The following CNBD2 variants were observed in gnomAD, a reference collection of about 807,000 sequenced individuals.
CNBD2 encodes cyclic nucleotide-binding domain-containing protein 2.
CNBD2 carries 64 observed loss-of-function variants against 63.7 expected under a neutral mutation model. The observed-to-expected ratio is 1.00, with a 90% CI of 0.82 to 1.24. The LOEUF is 1.24. CNBD2 is among the 50% of genes most tolerant of loss of function. The pLI is 0.00. For missense variants in CNBD2, 691 were observed against 713.5 expected (o/e 0.97, Z 0.36); for synonymous variants, 229 against 255.4 (o/e 0.90, Z 0.99).
rs2794385 is a variant in CNBD2 at position 36,030,700 on chromosome 20, G to T, written c.*52G>T. On this transcript the variant is annotated 3_prime_UTR_variant, in exon 12 of 12. Coordinates refer to ENST00000373973, the MANE Select transcript of CNBD2 (RefSeq NM_001365709.1). The stretch of plus-strand genomic sequence containing the variant: ...GGACAAATAAAGGATGGTGGATTGG[G>T]CGCTGTGCTTTCTGAATGACCACCA... The T allele has an allele frequency of 1.9e-6, 3 of 1,585,040 alleles. No individual in the cohort carries two copies. The highest frequency in any genetic ancestry group is 2.7e-5 in the African/African-American group (2 of 74,112).
In CNBD2 at chr20:36,009,096, C is replaced by T. The variant is rs537159993; in HGVS notation, c.1148+622C>T. On this transcript the variant is annotated intron_variant, in intron 9 of 11. Transcript: ENST00000373973. Reference sequence around the variant, plus strand: ...CCTGTAATCCTAGCTACTCAGGAGGCTGACACAGGAGGGTCGCTTGAGCCT... The same window carrying T: ...CCTGTAATCCTAGCTACTCAGGAGGTTGACACAGGAGGGTCGCTTGAGCCT... Among the ~76,000 whole-genome samples, 5 of 152,286 alleles carry T rather than the reference C, an allele frequency of 3.3e-5. No individual in the cohort carries two copies. The East Asian group carries it at 9.7e-4, about 29-fold the overall frequency.
rs775288744 is a variant in CNBD2, at chr20:36,023,630, G to A, written c.1298G>A (p.Gly433Asp). 4.3e-6 allele frequency: 7 copies of A among 1,609,388 alleles called. No individual in the cohort carries two copies. The South Asian group carries it at 6.6e-5, about 15-fold the overall frequency. The stretch of plus-strand genomic sequence containing the variant: ...CTTCACCAGGCCTTCCTTCCAGAGG[G>A]TGAATGCGACACACGACCCTTGATC... ...LGLHQAFLPE[G>D]ECDTRPLILM... Residue 433 changes from glycine (G) to aspartate (D), a missense_variant, in exon 11 of 12, where the codon GGT (glycine) becomes GAT (aspartate). Physicochemically the swap from Gly to Asp is moderately conservative, Grantham distance 94 (BLOSUM62 -1). Transcript: ENST00000373973.
At chr20:36,023,863 G>A in intron 11 of CNBD2, 92 bp downstream of exon 11, 2 of 1,134,444 alleles carry the variant, frequency 1.8e-6, no homozygotes, top group East Asian at 2.6e-5. Context: ...TATAATACCT[G>A]TTGCTGACAA....
At chr20:36,001,547 C>G (rs1470769443) in intron 8 of CNBD2, among the ~76,000 whole-genome samples, 2 of 150,900 alleles carry the variant, frequency 1.3e-5, no homozygotes, top group Non-Finnish European at 3.0e-5. Flanking sequence ...GGAGACGCTC[C>G]TCACTTCCCA....
chr20:36,000,688 A>C (rs1456620142), intron 8 of CNBD2, among the ~76,000 whole-genome samples: 1 of 149,746 alleles, frequency 6.7e-6, no homozygotes, highest in Non-Finnish European at 1.5e-5. Flanking sequence ...CCTCACGAGT[A>C]GCTGGGATTA....
chr20:35,998,874 CA>C (rs74173968), intron 8 of CNBD2, among the ~76,000 whole-genome samples: 7,126 of 47,286 alleles, frequency 0.15, 90 homozygotes, highest in African/African-American at 0.2. Context: ...CTGTGTCTCT[CA>C]AAAAAAAAAA....
upstream of CNBD2, among the ~76,000 whole-genome samples, chr20:35,965,588 C>T (rs940353866): frequency 2.6e-5 from 4 of 152,142 alleles, no homozygotes; most frequent in African/African-American, 9.7e-5. Flanking sequence ...AGGAATAGGA[C>T]CAGTGCTCTT....
At position 36,030,613 on chromosome 20, in the gene CNBD2, G is replaced by A. The variant is rs111829920; in HGVS notation, c.1696G>A (p.Ala566Thr). Reference protein sequence around the residue: ...PPLRIVQAIKAPRYKIRELLA With the variant: ...PPLRIVQAIKTPRYKIRELLA ...ATTGAGGATTGTCCAAGCCATCAAAGCACCTCGGTACAAAATCCGAGAACT... is the reference window on the plus strand; with the variant it reads ...ATTGAGGATTGTCCAAGCCATCAAAACACCTCGGTACAAAATCCGAGAACT... The change falls in exon 12 of 12, where the codon GCA becomes ACA. Residue 566 changes from alanine to threonine, a missense_variant. Ala to Thr is a moderately conservative substitution (Grantham distance 58). Coordinates refer to ENST00000373973, the MANE Select transcript of CNBD2 (RefSeq NM_001365709.1). 1.7e-5 allele frequency: 28 copies of A among 1,614,158 alleles called. No homozygotes were observed. The highest frequency in any genetic ancestry group is 1.6e-4 in the African/African-American group (12 of 75,024).
At chr20:35,965,760 T>A (rs1164536952), upstream of CNBD2, among the ~76,000 whole-genome samples, 1 of 152,194 alleles carries the variant, frequency 6.6e-6, no homozygotes, top group Non-Finnish European at 1.5e-5. Context: ...TAAATTGAGA[T>A]CCAATCCAGT....
chr20:36,011,294 G>A lies in CNBD2; in HGVS notation c.1269+37G>A, dbSNP rs201517207. On this transcript the variant is annotated intron_variant, in intron 10 of 11. Transcript: ENST00000373973. ...AAGAGCTCTGTTCACCATGGAGTAC[G>A]TAACATGAATGGGCTGGAATGTTAA... The A allele has an allele frequency of 4.6e-5, 68 of 1,468,094 alleles. No individual in the cohort carries two copies. The Admixed American group carries it at 6.1e-4, about 13-fold the overall frequency. The allele number at this position is 1,468,094 out of a possible 1,614,324, so 90.9% of individuals were successfully genotyped here.
chr20:35,968,615 G>A lies in CNBD2; in HGVS notation c.-148G>A. On this transcript the variant is annotated 5_prime_UTR_variant, in exon 1 of 12. Coordinates refer to ENST00000373973, the MANE Select transcript of CNBD2 (RefSeq NM_001365709.1). ...AGAGCAGGGCTTCCAGTAGCTGATG[G>A]TATGGTAGGAGGAGTGGAGTGGAGC... 1.7e-6 allele frequency: 1 copy of A among 577,522 alleles called. No homozygotes were observed. The highest frequency in any genetic ancestry group is 3.1e-6 in the Non-Finnish European group (1 of 318,566). 35.8% of individuals were successfully genotyped at this position (577,522 alleles called of 1,614,324 possible).
chr20:36,014,633 T>C (rs1601093479), intron 10 of CNBD2, among the ~76,000 whole-genome samples: 1 of 150,464 alleles, frequency 6.6e-6, no homozygotes, highest in African/African-American at 2.4e-5. Context: ...CTGGCCTCTT[T>C]TATTTTTTTT....
intron 8 of CNBD2, among the ~76,000 whole-genome samples, chr20:36,007,170 C>G (rs915319059): frequency 2.0e-5 from 3 of 150,622 alleles, no homozygotes; most frequent in Non-Finnish European, 2.9e-5. Flanking sequence ...GCCTGGGCGA[C>G]AGAGTGAGAA....
Position 36,000,935 on chromosome 20 carries a change from G to T in CNBD2, c.970+5783G>T, listed in dbSNP as rs1275101175. 2.0e-5 allele frequency among the ~76,000 whole-genome samples: 3 copies of T among 150,786 alleles called. No homozygotes were observed. In the South Asian group the frequency reaches 6.3e-4, roughly 32 times the overall value. ...GTGTCCCTGGGTATTTGAGATTAGG[G>T]AGTGGTGATGACTCTTAACGAGCAT... On this transcript the variant is annotated intron_variant, in intron 8 of 11. Transcript: ENST00000373973.
intron 9 of CNBD2, among the ~76,000 whole-genome samples, chr20:36,010,459 AAAAG>A (rs2057043567): frequency 6.6e-6 from 1 of 151,220 alleles, no homozygotes; most frequent in Non-Finnish European, 1.5e-5. Flanking sequence ...AAAAAAAAAA[AAAAG>A]AAAAGAAAAG....
intron 11 of CNBD2, among the ~76,000 whole-genome samples, chr20:36,026,796 T>C (rs2057287622): frequency 6.6e-6 from 1 of 152,366 alleles, no homozygotes; most frequent in South Asian, 2.1e-4. Flanking sequence ...ACCCCCTTTC[T>C]GCACACTCAT....
At chr20:35,967,232 C>T (rs1409528703), upstream of CNBD2, among the ~76,000 whole-genome samples, 2 of 150,524 alleles carry the variant, frequency 1.3e-5, no homozygotes, top group Admixed American at 6.6e-5. Context: ...GCCAATTCCC[C>T]CTCCCGCTTT....
intron 7 of CNBD2, among the ~76,000 whole-genome samples, chr20:35,989,561 C>T (rs1186535914): frequency 1.3e-5 from 2 of 152,234 alleles, no homozygotes; most frequent in South Asian, 2.1e-4. Flanking sequence ...ACATATTGAA[C>T]CATTAGGCAA....
At chr20:35,963,628 G>C (rs1007780958), upstream of CNBD2, among the ~76,000 whole-genome samples, 2 of 151,988 alleles carry the variant, frequency 1.3e-5, no homozygotes, top group Non-Finnish European at 2.9e-5. Flanking sequence ...GCAAAAGAGA[G>C]ACTCTGTCTC....
Sources: allele counts gnomAD v4.1 joint callset (sites outside exome capture counted in the v4.1 genomes callset), GRCh38; gene constraint gnomAD v4.1.1; transcripts MANE v1.5; gene names NCBI Gene and HGNC (gene_info 2026-07-23, HGNC 2026-07-21).